PPP2R5A: variants seen among roughly 807,000 people sequenced by gnomAD.
The protein encoded by PPP2R5A is protein phosphatase 2 regulatory subunit B'alpha.
Under a neutral mutation model 64.2 loss-of-function variants are expected in PPP2R5A, and 25 were observed. That is an observed-to-expected ratio of 0.39 (90% CI 0.28 to 0.54). PPP2R5A has a LOEUF of 0.54. Ranked by LOEUF, PPP2R5A falls within the 20% of genes least tolerant of loss-of-function variation. PPP2R5A has a pLI of 0.67. For synonymous variants in PPP2R5A, 198 were observed against 201.2 expected (o/e 0.98, Z 0.13); for missense variants, 425 against 576.3 (o/e 0.74, Z 2.69).
chr1:212,286,597 T>TA (rs1558135915), intron 1 of PPP2R5A, among the ~76,000 whole-genome samples: 1 of 152,218 alleles, frequency 6.6e-6, no homozygotes, highest in Non-Finnish European at 1.5e-5. Context: ...TCCCGTGAAG[T>TA]AGAGTCCTTC....
rs146230306 is a variant in PPP2R5A, at chr1:212,289,664, G to T, written c.181+3373G>T. Among the ~76,000 whole-genome samples the T allele has an allele frequency of 1.0e-3, 159 of 152,252 alleles. 1 individual carries two copies. In the East Asian group the frequency reaches 0.026, roughly 25 times the overall value. On this transcript the variant is annotated intron_variant, in intron 1 of 12. Coordinates refer to ENST00000261461, the MANE Select transcript of PPP2R5A (RefSeq NM_006243.4). ...GGATAATACAAATCTCCCCAGGCCT[G>T]TGGGGATTAAGGGGAATAATTTAAG...
chr1:212,327,011 T>A (rs1042104502), intron 1 of PPP2R5A, among the ~76,000 whole-genome samples: 1 of 152,222 alleles, frequency 6.6e-6, no homozygotes, highest in Admixed American at 6.5e-5. Context: ...CAGTACCTTA[T>A]CTAAATCAGC....
chr1:212,315,586 A>G (rs998049389), intron 1 of PPP2R5A, among the ~76,000 whole-genome samples: 14 of 152,244 alleles, frequency 9.2e-5, no homozygotes, highest in Admixed American at 6.5e-4. Flanking sequence ...AAATTCTCAC[A>G]AAGTTTGCTA....
chr1:212,350,660 A>G (rs903104933), intron 8 of PPP2R5A, among the ~76,000 whole-genome samples: 2 of 151,968 alleles, frequency 1.3e-5, no homozygotes, highest in African/African-American at 4.8e-5. Flanking sequence ...TCTTCAAAAA[A>G]AAAAAGAAAA....
chr1:212,342,838 G>C (rs1659707747), intron 4 of PPP2R5A, among the ~76,000 whole-genome samples: 1 of 148,494 alleles, frequency 6.7e-6, no homozygotes, highest in African/African-American at 2.4e-5. Context: ...AGAATTAATT[G>C]TGATGCCTTC....
chr1:212,296,957 C>G (rs1454730360), intron 1 of PPP2R5A, among the ~76,000 whole-genome samples: 1 of 152,132 alleles, frequency 6.6e-6, no homozygotes, highest in South Asian at 2.1e-4. Flanking sequence ...GCTGATTCCT[C>G]TATTAAATGG....
In PPP2R5A at chr1:212,309,364, A is replaced by C; in HGVS notation, c.182-19771A>C. The C allele has an allele frequency of 4.0e-6, 6 of 1,518,960 alleles. No homozygotes were observed. The South Asian group carries it at 5.6e-5, about 14-fold the overall frequency. The allele number at this position is 1,518,960 out of a possible 1,614,324, so 94.1% of individuals were successfully genotyped here. ...ATATTTGGGCTGCCTCCGGAGTCGC[A>C]GTGTCTTGGGCCGCCGGAAGGTGGG... On this transcript the variant is annotated intron_variant, in intron 1 of 12. Transcript: ENST00000261461.
Position 212,329,336 on chromosome 1 carries a change from GC to G in PPP2R5A, c.378+7del. The G allele has an allele frequency of 6.4e-7, 1 of 1,553,878 alleles. No homozygotes were observed. The highest frequency in any genetic ancestry group is 8.7e-7 in the Non-Finnish European group (1 of 1,149,966). On this transcript the variant is annotated splice_donor_region_variant and intron_variant, in intron 2 of 12. Coordinates refer to ENST00000261461, the MANE Select transcript of PPP2R5A (RefSeq NM_006243.4). The stretch of plus-strand genomic sequence containing the variant: ...TATTCTGATATAGTAAAAATGGTAA[GC>G]CTCTAGAATTATGTTCCTCAGATTT...
At chr1:212,351,993 TTATTA>T (rs1174144340) in intron 8 of PPP2R5A, among the ~76,000 whole-genome samples, 3 of 149,938 alleles carry the variant, frequency 2.0e-5, no homozygotes, top group African/African-American at 7.3e-5. Context: ...ATATTTTATT[TTATTA>T]TTTTATTTTT....
rs369390496 is a variant in PPP2R5A at position 212,300,029 on chromosome 1, G to T, written c.181+13738G>T. Among the ~76,000 whole-genome samples the T allele has an allele frequency of 2.0e-5, 3 of 152,110 alleles. No homozygotes were observed. The South Asian group carries it at 6.2e-4, about 32-fold the overall frequency. ...GGGTTTTGCCATGTTGGCCATGCTG[G>T]TCTTGAACCCTTGACCTCAAGTGAT... On this transcript the variant is annotated intron_variant, in intron 1 of 12. Transcript: ENST00000261461.
intron 11 of PPP2R5A, 99 bp from the exon 12 acceptor site, chr1:212,358,587 T>G: frequency 1.2e-5 from 10 of 814,380 alleles, no homozygotes; most frequent in Non-Finnish European, 1.6e-5. Context: ...ATGGATTAAA[T>G]GAAATCAGCC....
At chr1:212,321,750 G>A (rs1307039249) in intron 1 of PPP2R5A, among the ~76,000 whole-genome samples, 8 of 151,544 alleles carry the variant, frequency 5.3e-5, no homozygotes, top group Non-Finnish European at 8.8e-5. Context: ...ACGATGGGCG[G>A]CCAGGCAGAG....
At chr1:212,324,213 T>C (rs1364672929) in intron 1 of PPP2R5A, among the ~76,000 whole-genome samples, 2 of 152,218 alleles carry the variant, frequency 1.3e-5, no homozygotes, top group Non-Finnish European at 2.9e-5. Flanking sequence ...ACTTAAATGG[T>C]ATAGTTTACT....
chr1:212,321,389 G>A (rs1253522934), intron 1 of PPP2R5A, among the ~76,000 whole-genome samples: 1 of 151,914 alleles, frequency 6.6e-6, no homozygotes, highest in Non-Finnish European at 1.5e-5. Context: ...CTCCCTCCCA[G>A]ACGGGGTGGC....
chr1:212,304,669 C>T (rs1375351628), intron 1 of PPP2R5A, among the ~76,000 whole-genome samples: 3 of 151,654 alleles, frequency 2.0e-5, no homozygotes, highest in Non-Finnish European at 4.4e-5. Flanking sequence ...CAAAGGGATC[C>T]TTGTTGCCTA....
chr1:212,347,900 C>T (rs76902031), intron 6 of PPP2R5A, among the ~76,000 whole-genome samples: 17,420 of 152,050 alleles, frequency 0.11, 1,450 homozygotes, highest in Non-Finnish European at 0.17. Context: ...TTATTCACTA[C>T]GTATTAGTAT....
chr1:212,326,396 C>T (rs1444871469), intron 1 of PPP2R5A, among the ~76,000 whole-genome samples: 2 of 151,772 alleles, frequency 1.3e-5, no homozygotes, highest in Non-Finnish European at 2.9e-5. Flanking sequence ...GAGTTTGAGG[C>T]CAGGCTGGCC....
At position 212,305,185 on chromosome 1, in the gene PPP2R5A, C is replaced by T. The variant is rs552235672; in HGVS notation, c.181+18894C>T. On this transcript the variant is annotated intron_variant, in intron 1 of 12. Coordinates refer to ENST00000261461, the MANE Select transcript of PPP2R5A (RefSeq NM_006243.4). ...CCAAGAAGCTGGGACTATAGGCGCC[C>T]GCTACCACGCCTGGCTAATGTTTTG... is the stretch of plus-strand genomic sequence containing the variant. Among the ~76,000 whole-genome samples the T allele has an allele frequency of 7.9e-5, 12 of 151,330 alleles. 1 individual carries two copies. Among genetic ancestry groups the T allele is most frequent in the South Asian group, 6.3e-4 (3 of 4,760 alleles).
At chr1:212,320,623 G>T (rs1306299001) in intron 1 of PPP2R5A, among the ~76,000 whole-genome samples, 1 of 148,150 alleles carries the variant, frequency 6.7e-6, no homozygotes, top group South Asian at 2.1e-4. Flanking sequence ...CGGGCGGGGG[G>T]CTGACCTCCC....
Sources: gnomAD v4.1 joint callset for allele counts (sites outside exome capture counted in the v4.1 genomes callset) on GRCh38, gnomAD v4.1.1 for gene constraint, MANE v1.5 for transcripts, NCBI Gene and HGNC (gene_info 2026-07-23, HGNC 2026-07-21) for gene names.